KLHL7: variants seen among roughly 807,000 people sequenced by gnomAD.
KLHL7 encodes kelch like family member 7.
A neutral mutation model predicts 67.4 loss-of-function variants in KLHL7; 44 were observed. The ratio of observed to expected loss-of-function variants is 0.65; its 90% CI spans 0.51 to 0.84. KLHL7 has a LOEUF of 0.84. Among genes scored for constraint, KLHL7 ranks in the 40% least tolerant of loss-of-function variants. The pLI, the probability that KLHL7 is intolerant of heterozygous loss-of-function variation, is 0.00. For missense variants in KLHL7, 362 were observed against 718.1 expected (o/e 0.50, Z 5.67); for synonymous variants, 252 against 243.3 (o/e 1.04, Z -0.33).
chr7:23,157,002 T>C, intron 7 of KLHL7, among the ~76,000 whole-genome samples: 1 of 152,228 alleles, frequency 6.6e-6, no homozygotes, highest in South Asian at 2.1e-4. Flanking sequence ...GATATTGCAG[T>C]GCCTGTATCA....
At chr7:23,145,919 A>G (rs1236963586) in intron 6 of KLHL7, among the ~76,000 whole-genome samples, 1 of 152,016 alleles carries the variant, frequency 6.6e-6, no homozygotes, top group Non-Finnish European at 1.5e-5. Context: ...TTTTGTCAAG[A>G]TGATGTCTCG....
intron 9 of KLHL7, among the ~76,000 whole-genome samples, chr7:23,168,760 G>A (rs933473601): frequency 6.6e-6 from 1 of 152,174 alleles, no homozygotes; most frequent in African/African-American, 2.4e-5. Context: ...CATCCAAAGA[G>A]CTTTGATAAG....
rs763565420 is a variant in KLHL7, at chr7:23,105,997, A to C, written c.-30A>C. ...GTGCGACCCCTCGCCCGGCCCGGCG[A>C]GCCCCGGGCGTGAACCGAGCTGAGG... On this transcript the variant is annotated 5_prime_UTR_variant, in exon 1 of 11. Coordinates refer to ENST00000339077, the MANE Select transcript of KLHL7 (RefSeq NM_001031710.3). The C allele has an allele frequency of 6.2e-7, 1 of 1,604,530 alleles. No individual in the cohort carries two copies. Among genetic ancestry groups the C allele is most frequent in the East Asian group, 2.2e-5 (1 of 44,578 alleles).
At chr7:23,142,408 A>G (rs1424407573) in intron 5 of KLHL7, among the ~76,000 whole-genome samples, 3 of 152,164 alleles carry the variant, frequency 2.0e-5, no homozygotes, top group Admixed American at 1.3e-4. Context: ...TTCGTGGCCC[A>G]GAGTATCAAT....
chr7:23,152,355 A>T (rs1196287743), intron 7 of KLHL7, 146 bp downstream of exon 7: 1 of 765,164 alleles, frequency 1.3e-6, no homozygotes, highest in Non-Finnish European at 2.2e-6. Flanking sequence ...AGATACATAG[A>T]TCATTTTACA....
At chr7:23,139,441 A>G (rs1038363651) in intron 4 of KLHL7, among the ~76,000 whole-genome samples, 6 of 152,240 alleles carry the variant, frequency 3.9e-5, no homozygotes, top group African/African-American at 1.4e-4. Context: ...TGATGTTTAA[A>G]TAAGCAAAAA....
At position 23,174,786 on chromosome 7, in the gene KLHL7, T is replaced by C. The variant is rs1345344445; in HGVS notation, c.*488T>C. Reference sequence around the variant, plus strand: ...TCACAGTTTGCTTGTCTATTTATTTTATTTAGTGCCAAATGTATTCCATTT... The same window carrying C: ...TCACAGTTTGCTTGTCTATTTATTTCATTTAGTGCCAAATGTATTCCATTT... On this transcript the variant is annotated 3_prime_UTR_variant, in exon 11 of 11. Coordinates refer to ENST00000339077, the MANE Select transcript of KLHL7 (RefSeq NM_001031710.3). 4.4e-6 allele frequency: 2 copies of C among 454,668 alleles called. No homozygotes were observed. Among genetic ancestry groups the C allele is most frequent in the Admixed American group, 4.7e-5 (2 of 42,586 alleles). The allele number at this position is 454,668 out of a possible 1,614,324, so 28.2% of individuals were successfully genotyped here. A position where few individuals can be genotyped will look rare whatever the true frequency, so the allele number is the denominator to read the frequency against.
intron 1 of KLHL7, among the ~76,000 whole-genome samples, chr7:23,115,885 G>C (rs1224407589): frequency 6.6e-6 from 1 of 152,076 alleles, no homozygotes; most frequent in Non-Finnish European, 1.5e-5. Context: ...AGATTTGCCA[G>C]GGTGATAATA....
At position 23,174,663 on chromosome 7, in the gene KLHL7, A is replaced by G. The variant is rs1471532476; in HGVS notation, c.*365A>G. On this transcript the variant is annotated 3_prime_UTR_variant, in exon 11 of 11. Coordinates refer to ENST00000339077, the MANE Select transcript of KLHL7 (RefSeq NM_001031710.3). ...TAGATTCTATTTTCATGCATCACAG[A>G]AGTGCTATACGGTTAGGTCTGTTTG... 2 of 462,502 alleles carry G rather than the reference A, an allele frequency of 4.3e-6. No homozygotes were observed. Among genetic ancestry groups the G allele is most frequent in the Non-Finnish European group, 8.6e-6 (2 of 232,484 alleles). 28.6% of individuals were successfully genotyped at this position (462,502 alleles called of 1,614,324 possible).
At chr7:23,149,979 A>G (rs567086688) in intron 6 of KLHL7, among the ~76,000 whole-genome samples, 39 of 152,314 alleles carry the variant, frequency 2.6e-4, no homozygotes, top group African/African-American at 8.9e-4. Context: ...AGCCTCATTT[A>G]TAGAAATGTT....
chr7:23,106,234 T>C, intron 1 of KLHL7, 88 bp downstream of exon 1: 1 of 1,556,282 alleles, frequency 6.4e-7, no homozygotes, highest in Non-Finnish European at 8.7e-7. Context: ...CCGCGCCCTG[T>C]GGATCGCGCC....
At chr7:23,140,993 G>T (rs764598813) in intron 5 of KLHL7, 49 bp downstream of exon 5, 31 of 1,498,684 alleles carry the variant, frequency 2.1e-5, no homozygotes, top group Non-Finnish European at 2.7e-5. Context: ...TGTCTTTATT[G>T]GTTTCTTAAA....
chr7:23,106,852 T>TC lies in KLHL7; in HGVS notation c.120+706_120+707insC, dbSNP rs897090470. On this transcript the variant is annotated intron_variant, in intron 1 of 10. Coordinates refer to ENST00000339077, the MANE Select transcript of KLHL7 (RefSeq NM_001031710.3). ...GCGAAGGTGAAACAAAGAGGCTTTT[T>TC]TTTTTTTTAATTCCATAACATCTAC... The TC allele has an allele frequency of 7.1e-6, 7 of 981,082 alleles. No homozygotes were observed. In the Admixed American group the frequency reaches 4.3e-4, roughly 61 times the overall value. The allele number at this position is 981,082 out of a possible 1,614,324, so 60.8% of individuals were successfully genotyped here.
At chr7:23,151,723 T>C (rs1219828564) in intron 6 of KLHL7, among the ~76,000 whole-genome samples, 4 of 152,218 alleles carry the variant, frequency 2.6e-5, no homozygotes, top group Admixed American at 6.5e-5. Context: ...TAGGTGATTC[T>C]AATGTAAAGA....
At chr7:23,114,339 C>A (rs1276354169) in intron 1 of KLHL7, among the ~76,000 whole-genome samples, 1 of 152,200 alleles carries the variant, frequency 6.6e-6, no homozygotes, top group Non-Finnish European at 1.5e-5. Flanking sequence ...GCCTCATTTT[C>A]CAACTTTGTT....
chr7:23,122,375 T>A (rs1783388948), intron 1 of KLHL7, among the ~76,000 whole-genome samples: 1 of 152,078 alleles, frequency 6.6e-6, no homozygotes, highest in Non-Finnish European at 1.5e-5. Context: ...CTTCTCTCCC[T>A]CCTTTGACCT....
intron 1 of KLHL7, among the ~76,000 whole-genome samples, chr7:23,114,778 G>A (rs1783018172): frequency 6.6e-6 from 1 of 152,172 alleles, no homozygotes; most frequent in Non-Finnish European, 1.5e-5. Context: ...CTACAGGCTG[G>A]CAATTCACTT....
Position 23,106,134 on chromosome 7 carries a change from C to T in KLHL7, c.108C>T (p.Asn36=). The T allele has an allele frequency of 1.2e-6, 2 of 1,610,348 alleles. No individual in the cohort carries two copies. The highest frequency in any genetic ancestry group is 1.7e-6 in the Non-Finnish European group (2 of 1,178,514). The change falls in exon 1 of 11, where the codon AAC becomes AAT. Residue 36 remains asparagine, a synonymous_variant. Coordinates refer to ENST00000339077, the MANE Select transcript of KLHL7 (RefSeq NM_001031710.3). ...CGGGTTTCATGGGCGTCATGAATAA[C>T]ATGCGGAAACAGGTACCGCCTCTGT... ...LLAGFMGVMN[N]MRKQKTLCDV...
intron 1 of KLHL7, among the ~76,000 whole-genome samples, chr7:23,122,057 C>G (rs1783374799): frequency 6.6e-6 from 1 of 152,252 alleles, no homozygotes; most frequent in African/African-American, 2.4e-5. Context: ...ACAAAAGACT[C>G]TTCCTACTTA....
Sources: allele counts gnomAD v4.1 joint callset (sites outside exome capture counted in the v4.1 genomes callset), GRCh38; gene constraint gnomAD v4.1.1; transcripts MANE v1.5; gene names NCBI Gene and HGNC (gene_info 2026-07-23, HGNC 2026-07-21).